Variants in ZNF132 observed in about 807,000 individuals in gnomAD.
The protein encoded by ZNF132 is zinc finger protein 132 (clone pHZ-12).
ZNF132 carries 6 observed loss-of-function variants against 9.3 expected under a neutral mutation model. The ratio of observed to expected loss-of-function variants is 0.65; its 90% CI spans 0.35 to 1.28. The LOEUF is 1.28. Ranked by LOEUF, ZNF132 falls within the 50% of genes most tolerant of loss-of-function variation. The pLI is 0.03. For missense variants in ZNF132, 877 were observed against 843.2 expected (o/e 1.04, Z -0.50); for synonymous variants, 296 against 292.0 (o/e 1.01, Z -0.14).
Position 58,434,455 on chromosome 19 carries a change from T to C in ZNF132, c.989A>G (p.His330Arg). Reference protein sequence around the residue: ...ECIACGKTFNHKLTFVHHQRI... With the variant: ...ECIACGKTFNRKLTFVHHQRI... Reference sequence around the variant, plus strand: ...CTGATGATGAACAAATGTGAGTTTGTGGTTGAAGGTTTTCCCACATGCAAT... The same window carrying C: ...CTGATGATGAACAAATGTGAGTTTGCGGTTGAAGGTTTTCCCACATGCAAT... The change falls in exon 3 of 3, where the codon CAC becomes CGC. Residue 330 changes from histidine to arginine, a missense_variant. By Grantham distance (29) the His-to-Arg change is conservative. Transcript: ENST00000254166. The C allele has an allele frequency of 1.2e-6, 2 of 1,614,240 alleles. No homozygotes were observed. The highest frequency in any genetic ancestry group is 2.2e-5 in the South Asian group (2 of 91,090).
chr19:58,433,485 C>A lies in ZNF132; in HGVS notation c.1959G>T (p.Arg653Ser), dbSNP rs148345740. ...TTCCACACTGGATGCACTCATAGGG[C>A]CTTTCTTGTGTGTGAACTCTCTGAT... ...VRHQRVHTQE[R>S]PYECIQCGKA... The change falls in exon 3 of 3, where the codon AGG becomes AGT. Residue 653 changes from arginine (R) to serine (S), a missense_variant. Coordinates refer to ENST00000254166, the MANE Select transcript of ZNF132 (RefSeq NM_003433.4). The A allele has an allele frequency of 1.5e-4, 238 of 1,613,992 alleles. 1 individual carries two copies. The highest frequency in any genetic ancestry group is 1.9e-4 in the Non-Finnish European group (230 of 1,180,016).
chr19:58,435,427 G>C, intron 2 of ZNF132: 1 of 535,702 alleles, frequency 1.9e-6, no homozygotes, highest in Non-Finnish European at 3.3e-6. Context: ...CCAGGGGTAA[G>C]GACACAGAAA....
chr19:58,439,813 C>T lies in ZNF132; in HGVS notation c.9G>A (p.Leu3=). The T allele has an allele frequency of 1.3e-6, 2 of 1,544,896 alleles. No individual in the cohort carries two copies. The highest frequency in any genetic ancestry group is 1.7e-6 in the Non-Finnish European group (2 of 1,145,152). The stretch of plus-strand genomic sequence containing the variant: ...ACCCCATTAGAACCTGTGGGCTGGG[C>T]AGGGCCATAACAGGAGGCCCAGGGC... MA[L]PSPQVLMGLP... Residue 3 remains leucine (L), a synonymous_variant, in exon 1 of 3, where the codon CTG becomes CTA. Coordinates refer to ENST00000254166, the MANE Select transcript of ZNF132 (RefSeq NM_003433.4).
Position 58,433,077 on chromosome 19 carries a change from G to A in ZNF132, c.*246C>T. On this transcript the variant is annotated 3_prime_UTR_variant, in exon 3 of 3. Coordinates refer to ENST00000254166, the MANE Select transcript of ZNF132 (RefSeq NM_003433.4). ...TCAGGGTACTGTTTTCCCCATGCAT[G>A]AGGACAGGACTGCTGCAAATTTTTG... 1 of 432,688 alleles carries A rather than the reference G, an allele frequency of 2.3e-6. No individual in the cohort carries two copies. Among genetic ancestry groups the A allele is most frequent in the Non-Finnish European group, 4.2e-6 (1 of 239,752 alleles). 26.8% of individuals were successfully genotyped at this position (432,688 alleles called of 1,614,324 possible).
Position 58,439,848 on chromosome 19 carries a change from C to T in ZNF132, c.-27G>A, listed in dbSNP as rs867052476. 1.8e-5 allele frequency: 27 copies of T among 1,534,084 alleles called. No individual in the cohort carries two copies. The Middle Eastern group carries it at 4.2e-3, about 240-fold the overall frequency. On this transcript the variant is annotated 5_prime_UTR_variant, in exon 1 of 3. Coordinates refer to ENST00000254166, the MANE Select transcript of ZNF132 (RefSeq NM_003433.4). ...ACAGGAGGCCCAGGGCTAGCCCTGC[C>T]GCTGGGCCGAACCCTCACACTTCCG...
Position 58,434,010 on chromosome 19 carries a change from C to A in ZNF132, c.1434G>T (p.Gln478His). 6.2e-7 allele frequency: 1 copy of A among 1,614,200 alleles called. No individual in the cohort carries two copies. The highest frequency in any genetic ancestry group is 8.5e-7 in the Non-Finnish European group (1 of 1,180,026). ...AAGGCCGTTCTCCAGTGTGAACTTTCTGATGTCGAAGGAGATGGGAGCTTT... is the reference window on the plus strand; with the variant it reads ...AAGGCCGTTCTCCAGTGTGAACTTTATGATGTCGAAGGAGATGGGAGCTTT... ...FSQSSHLLRH[Q>H]KVHTGERPFE... is the part of the protein sequence containing the mutation. The change falls in exon 3 of 3, where the codon CAG (glutamine) becomes CAT (histidine). Residue 478 changes from glutamine (Q) to histidine (H), a missense_variant. Coordinates refer to ENST00000254166, the MANE Select transcript of ZNF132 (RefSeq NM_003433.4).
chr19:58,436,667 CAAAAAAAAAAAA>C (rs56078209), intron 2 of ZNF132, among the ~76,000 whole-genome samples: 23,144 of 66,328 alleles, frequency 0.35, 2,373 homozygotes, highest in South Asian at 0.42. Context: ...GACTCCATCT[CAAAAAAAAAAAA>C]AAAAAAAAAA....
At position 58,434,746 on chromosome 19, in the gene ZNF132, T is replaced by G; in HGVS notation, c.698A>C (p.Gln233Pro). ...LGQLPEVCTT[Q>P]KLFECSNCGK... The stretch of plus-strand genomic sequence containing the variant: ...ACAGTTGCTGCACTCGAAGAGTTTC[T>G]GTGTGGTACAGACTTCTGGAAGCTG... Residue 233 changes from glutamine (Q) to proline (P), a missense_variant, in exon 3 of 3, where the codon CAG (glutamine) becomes CCG (proline). By Grantham distance (76) the Gln-to-Pro change is moderately conservative (BLOSUM62 -1). Coordinates refer to ENST00000254166, the MANE Select transcript of ZNF132 (RefSeq NM_003433.4). 6.2e-7 allele frequency: 1 copy of G among 1,614,238 alleles called. No individual in the cohort carries two copies. The highest frequency in any genetic ancestry group is 8.5e-7 in the Non-Finnish European group (1 of 1,180,042).
At chr19:58,438,212 C>T (rs1005050) in intron 1 of ZNF132, among the ~76,000 whole-genome samples, 31,524 of 152,180 alleles carry the variant, frequency 0.21, 3,667 homozygotes, top group Non-Finnish European at 0.27. Context: ...TAGACCTACT[C>T]TCTGCTCAGG....
rs749270878 is a variant in ZNF132 at position 58,434,572 on chromosome 19, TG to T, written c.871del (p.His291MetfsTer16). Reference sequence around the variant, plus strand: ...GGCCTTCCCACACTCCTTACACACATGGGGTATTTCCCCAGTGTGAAACTTT... The same window carrying T: ...GGCCTTCCCACACTCCTTACACACATGGGTATTTCCCCAGTGTGAAACTTT... ...NKKFHTGEIP[H>X]VCKECGKAFS... is the part of the protein sequence containing the mutation. On this transcript the variant is annotated frameshift_variant, in exon 3 of 3. Transcript: ENST00000254166. LOFTEE classifies it low-confidence loss of function (END_TRUNC). 5 of 1,614,122 alleles carry T rather than the reference TG, an allele frequency of 3.1e-6. 1 individual carries two copies. In the South Asian group the frequency reaches 5.5e-5, roughly 18 times the overall value.
At position 58,433,128 on chromosome 19, in the gene ZNF132, A is replaced by G. The variant is rs557359007; in HGVS notation, c.*195T>C. On this transcript the variant is annotated 3_prime_UTR_variant, in exon 3 of 3. Coordinates refer to ENST00000254166, the MANE Select transcript of ZNF132 (RefSeq NM_003433.4). The stretch of plus-strand genomic sequence containing the variant: ...GATCCAGGCAAGATGGAAAGTGACT[A>G]TGGCTTCTGCCTTATGCTGCATGGG... The G allele has an allele frequency of 8.9e-5, 56 of 628,604 alleles. No individual in the cohort carries two copies. The African/African-American group carries it at 9.3e-4, about 10-fold the overall frequency. The allele number at this position is 628,604 out of a possible 1,614,324, so 38.9% of individuals were successfully genotyped here.
Position 58,433,803 on chromosome 19 carries a change from C to G in ZNF132, c.1641G>C (p.Glu547Asp), listed in dbSNP as rs1198139117. 6.2e-7 allele frequency: 1 copy of G among 1,613,932 alleles called. No individual in the cohort carries two copies. Among genetic ancestry groups the G allele is most frequent in the Non-Finnish European group, 8.5e-7 (1 of 1,180,002 alleles). ...AGCTGTGAGCAAAGGCTTTCCCACA[C>G]TCACTACACTCGTAAGGCTTTTCTC... ...HTGEKPYECS[E>D]CGKAFAHSST... The change falls in exon 3 of 3, where the codon GAG becomes GAC. Residue 547 changes from glutamate to aspartate, a missense_variant. Physicochemically the swap from Glu to Asp is conservative, Grantham distance 45. Coordinates refer to ENST00000254166, the MANE Select transcript of ZNF132 (RefSeq NM_003433.4).
In ZNF132 at chr19:58,435,017, T is replaced by C. The variant is rs566613054; in HGVS notation, c.427A>G (p.Thr143Ala). Residue 143 changes from threonine to alanine, a missense_variant, in exon 3 of 3, where the codon ACA becomes GCA. Thr to Ala is a moderately conservative substitution (Grantham distance 58). Transcript: ENST00000254166. ...QGTQSEEKPY[T>A]CGACGRDFWL... ...AAGTCTCTCCCACATGCTCCACATG[T>C]GTAGGGTTTCTCCTCAGACTGTGTT... is the stretch of plus-strand genomic sequence containing the variant. 2 of 1,614,178 alleles carry C rather than the reference T, an allele frequency of 1.2e-6. No individual in the cohort carries two copies. The highest frequency in any genetic ancestry group is 1.1e-5 in the South Asian group (1 of 91,078).
intron 2 of ZNF132, among the ~76,000 whole-genome samples, chr19:58,436,647 G>GA (rs1471479883): frequency 1.6e-5 from 2 of 125,338 alleles, no homozygotes; most frequent in East Asian, 5.4e-4. Flanking sequence ...CAGCCTGGGG[G>GA]ACAGAGCAAG....
chr19:58,435,440 G>A (rs562583794), intron 2 of ZNF132: 26 of 489,918 alleles, frequency 5.3e-5, no homozygotes, highest in Non-Finnish European at 7.6e-5. Context: ...CACAGAAATG[G>A]GTCAAAGGAC....
rs1418681905 is a variant in ZNF132 at position 58,439,770 on chromosome 19, C to A, written c.52G>T (p.Gly18Cys). The A allele has an allele frequency of 3.9e-6, 6 of 1,544,150 alleles. No individual in the cohort carries two copies. The highest frequency in any genetic ancestry group is 1.4e-5 in the African/African-American group (1 of 72,446). Residue 18 changes from glycine to cysteine, a missense_variant, in exon 1 of 3, where the codon GGC (glycine) becomes TGC (cysteine). Coordinates refer to ENST00000254166, the MANE Select transcript of ZNF132 (RefSeq NM_003433.4). ...CACACTCCACTTACCTGCGCCGGGC[C>A]CATCAGCAACGCTGGCAACCCCATT... Reference protein sequence around the residue: ...VLMGLPALLMGPAQHTSWPCG... With the variant: ...VLMGLPALLMCPAQHTSWPCG...
chr19:58,438,677 G>A (rs548648569), intron 1 of ZNF132, among the ~76,000 whole-genome samples: 1 of 151,872 alleles, frequency 6.6e-6, no homozygotes, highest in South Asian at 2.1e-4. Context: ...GTTTCACCGT[G>A]TTAGCCAGGA....
At position 58,432,837 on chromosome 19, in the gene ZNF132, T is replaced by C. The variant is rs757922806; in HGVS notation, c.*486A>G. 1.4e-4 allele frequency: 24 copies of C among 167,208 alleles called. No homozygotes were observed. The highest frequency in any genetic ancestry group is 2.6e-4 in the Non-Finnish European group (20 of 75,838). 10.4% of individuals were successfully genotyped at this position (167,208 alleles called of 1,614,324 possible). A position where few individuals can be genotyped will look rare whatever the true frequency, so the allele number is the denominator to read the frequency against. On this transcript the variant is annotated 3_prime_UTR_variant, in exon 3 of 3. Coordinates refer to ENST00000254166, the MANE Select transcript of ZNF132 (RefSeq NM_003433.4). ...GGTGACCTGATCAATAAGGTCTTTA[T>C]TATCACCAGTTAGTGCAGGCAAGGT... is the stretch of plus-strand genomic sequence containing the variant.
At position 58,434,098 on chromosome 19, in the gene ZNF132, T is replaced by G. The variant is rs1263530347; in HGVS notation, c.1346A>C (p.His449Pro). ...CCGTTCTCCGGTGTGAACTTTCTGG[T>G]GCTGAGCAAGGTTGGAGTTATTGTT... ...AFNNNSNLAQ[H>P]QKVHTGERPF... Residue 449 changes from histidine (H) to proline (P), a missense_variant, in exon 3 of 3, where the codon CAC becomes CCC. Physicochemically the swap from His to Pro is moderately conservative, Grantham distance 77. Coordinates refer to ENST00000254166, the MANE Select transcript of ZNF132 (RefSeq NM_003433.4). 1.2e-6 allele frequency: 2 copies of G among 1,614,012 alleles called. No homozygotes were observed. Among genetic ancestry groups the G allele is most frequent in the Admixed American group, 1.7e-5 (1 of 60,004 alleles).
Sources: allele counts gnomAD v4.1 joint callset (sites outside exome capture counted in the v4.1 genomes callset), GRCh38; gene constraint gnomAD v4.1.1; transcripts MANE v1.5; gene names NCBI Gene and HGNC (gene_info 2026-07-23, HGNC 2026-07-21).